LUZP1: variants seen among roughly 807,000 people sequenced by gnomAD.
The protein encoded by LUZP1 is leucine zipper protein 1, also known as filamin mechanobinding actin cross-linking protein.
LUZP1 carries 25 observed loss-of-function variants against 71.3 expected under a neutral mutation model. That is an observed-to-expected ratio of 0.35 (90% CI 0.26 to 0.49). The LOEUF (loss-of-function observed/expected upper bound fraction) is 0.49, where lower values mean the gene tolerates loss of function less well. LUZP1 is among the 20% of genes least tolerant of loss of function. The pLI, the probability that LUZP1 is intolerant of heterozygous loss-of-function variation, is 0.99. For synonymous variants in LUZP1, 481 were observed against 506.4 expected, an observed-to-expected ratio of 0.95 and a Z score of 0.67; for missense variants, 1,142 against 1,300.8, an observed-to-expected ratio of 0.88 and a Z score of 1.88.
In LUZP1 at chr1:23,094,797, G is replaced by A. The variant is rs962404697; in HGVS notation, c.-119-417C>T. 1.3e-5 allele frequency among the ~76,000 whole-genome samples: 2 copies of A among 152,118 alleles called. No homozygotes were observed. Among genetic ancestry groups the A allele is most frequent in the Non-Finnish European group, 2.9e-5 (2 of 68,036 alleles). On this transcript the variant is annotated intron_variant, in intron 3 of 4. Coordinates refer to ENST00000302291, the Ensembl canonical transcript of LUZP1. This position sits in a 1 kb window ranked among gnomAD's most constrained non-coding sequence, Gnocchi z 4.7. ...CCCCAGTGTTGTTCTGAGATAATATGTGGAAGATCTTGGTAACAAAGCAAT... is the reference window on the plus strand; with the variant it reads ...CCCCAGTGTTGTTCTGAGATAATATATGGAAGATCTTGGTAACAAAGCAAT...
At chr1:23,116,178 C>A (rs974888151) in intron 2 of LUZP1, among the ~76,000 whole-genome samples, 1 of 151,582 alleles carries the variant, frequency 6.6e-6, no homozygotes, top group African/African-American at 2.4e-5. Flanking sequence ...CTCAGGAGAT[C>A]GAGACCAGCC....
Position 23,131,248 on chromosome 1 carries a change from G to C in LUZP1, c.-225-22121C>G, listed in dbSNP as rs1474476534. Reference sequence around the variant, plus strand: ...AAAAAAAAAAAAAAAAAAAAAAAAAGATCTTTCTACTTGGAGCTTCCTCTG... The same window carrying C: ...AAAAAAAAAAAAAAAAAAAAAAAAACATCTTTCTACTTGGAGCTTCCTCTG... On this transcript the variant is annotated intron_variant, in intron 2 of 4. Coordinates refer to ENST00000302291, the Ensembl canonical transcript of LUZP1. 5.1e-5 allele frequency among the ~76,000 whole-genome samples: 4 copies of C among 78,334 alleles called. No individual in the cohort carries two copies. In the Admixed American group the frequency reaches 6.0e-4, roughly 12 times the overall value. The allele number at this position is 78,334 out of a possible 152,430, so 51.4% of individuals were successfully genotyped here. A position where few individuals can be genotyped will look rare whatever the true frequency, so the allele number is the denominator to read the frequency against.
chr1:23,156,877 C>A (rs978415775), intron 2 of LUZP1, among the ~76,000 whole-genome samples: 2 of 152,170 alleles, frequency 1.3e-5, no homozygotes, highest in Non-Finnish European at 2.9e-5. Flanking sequence ...CAATGCTGAC[C>A]ACTCACTTCC....
Position 23,138,851 on chromosome 1 carries a change from A to G in LUZP1, c.-225-29724T>C, listed in dbSNP as rs1240596856. ...CGTCTCTGCTAAAAATACAAAAATT[A>G]GCCAGGGATGGTGGCACGTGCCTAT... On this transcript the variant is annotated intron_variant, in intron 2 of 4. Transcript: ENST00000302291. 3.3e-5 allele frequency among the ~76,000 whole-genome samples: 5 copies of G among 150,292 alleles called. 1 individual carries two copies. Among genetic ancestry groups the G allele is most frequent in the African/African-American group, 2.4e-5 (1 of 40,842 alleles).
chr1:23,108,080 T>G (rs543436887), intron 3 of LUZP1, among the ~76,000 whole-genome samples: 1 of 152,320 alleles, frequency 6.6e-6, no homozygotes, highest in Admixed American at 6.5e-5. Context: ...CCACCAGGTC[T>G]CTTGGCCACT....
chr1:23,123,779 T>C (rs1644148979), intron 2 of LUZP1, among the ~76,000 whole-genome samples: 1 of 152,172 alleles, frequency 6.6e-6, no homozygotes, highest in South Asian at 2.1e-4. Context: ...AACATCTCTG[T>C]GCTTTGCAAC....
At position 23,094,022 on chromosome 1, in the gene LUZP1, C is replaced by T. The variant is rs1462520236; in HGVS notation, c.240G>A (p.Glu80=). The T allele has an allele frequency of 1.2e-6, 2 of 1,614,070 alleles. No individual in the cohort carries two copies. Among genetic ancestry groups the T allele is most frequent in the African/African-American group, 1.3e-5 (1 of 74,930 alleles). ...ACAGATCCTCTGCTCTCTTAATTTC[C>T]TCGTCTTTGCCTTCAATTCTCAGCA... The change falls in exon 4 of 5, where the codon GAG becomes GAA. Residue 80 remains glutamate (E), a synonymous_variant. Transcript: ENST00000302291. The surrounding 1 kb of genome is among the most constrained non-coding windows in gnomAD (Gnocchi z 4.7).
exon 5 of LUZP1, chr1:23,084,871 A>AAAT (rs575099327): frequency 2.6e-5 from 4 of 152,486 alleles, no homozygotes; most frequent in East Asian, 1.9e-4. Flanking sequence ...ACAATGAAAT[A>AAAT]AATAAATATA....
intron 3 of LUZP1, among the ~76,000 whole-genome samples, chr1:23,096,612 G>GA (rs990733333): frequency 6.6e-6 from 1 of 151,974 alleles, no homozygotes; most frequent in Admixed American, 6.5e-5. Context: ...AAAGAAAAAA[G>GA]AAAAAAAGAC....
exon 5 of LUZP1, chr1:23,085,445 G>A (rs1041605965): frequency 1.3e-5 from 2 of 152,484 alleles, no homozygotes; most frequent in Non-Finnish European, 2.9e-5. Context: ...CTCCCCACTC[G>A]GGGTATTCAA....
intron 2 of LUZP1, among the ~76,000 whole-genome samples, chr1:23,141,509 G>T (rs914192910): frequency 1.3e-5 from 2 of 152,116 alleles, no homozygotes; most frequent in Non-Finnish European, 2.9e-5. Flanking sequence ...CCTGGAGGGA[G>T]TGAGAGCACC....
intron 4 of LUZP1, among the ~76,000 whole-genome samples, chr1:23,090,209 C>G (rs1322857054): frequency 6.6e-6 from 1 of 152,162 alleles, no homozygotes; most frequent in Non-Finnish European, 1.5e-5. Flanking sequence ...TCCAGTAATT[C>G]TGCTGGGTGA....
chr1:23,103,491 C>G (rs533220659), intron 3 of LUZP1, among the ~76,000 whole-genome samples: 1 of 152,186 alleles, frequency 6.6e-6, no homozygotes, highest in African/African-American at 2.4e-5. Flanking sequence ...ACCTCCCACT[C>G]AATGCGGACG....
At chr1:23,171,240 T>C (rs1028485121) in intron 1 of LUZP1, among the ~76,000 whole-genome samples, 1 of 152,116 alleles carries the variant, frequency 6.6e-6, no homozygotes, top group Non-Finnish European at 1.5e-5. Context: ...TGGAAGACTT[T>C]AGGGTCTTGA....
chr1:23,127,207 TAA>T (rs1644178658), intron 2 of LUZP1, among the ~76,000 whole-genome samples: 1 of 152,226 alleles, frequency 6.6e-6, no homozygotes, highest in African/African-American at 2.4e-5. Flanking sequence ...AATAATTCTA[TAA>T]GAGTTATTAT....
rs1331916090 is a variant in LUZP1 at position 23,136,897 on chromosome 1, G to A, written c.-225-27770C>T. Among the ~76,000 whole-genome samples, 4 of 152,118 alleles carry A rather than the reference G, an allele frequency of 2.6e-5. No individual in the cohort carries two copies. In the East Asian group the frequency reaches 5.8e-4, roughly 22 times the overall value. On this transcript the variant is annotated intron_variant, in intron 2 of 4. Coordinates refer to ENST00000302291, the Ensembl canonical transcript of LUZP1. ...CGTGCCACTGCACTCCAGCCTGGGC[G>A]ACAGAGCAAGACTCCATCTCAAAAA... is the stretch of plus-strand genomic sequence containing the variant.
intron 2 of LUZP1, among the ~76,000 whole-genome samples, chr1:23,166,318 G>T (rs764471845): frequency 5.3e-5 from 8 of 152,060 alleles, no homozygotes; most frequent in Non-Finnish European, 1.2e-4. Context: ...GTGAACTTGG[G>T]ACAGCCACTT....
intron 1 of LUZP1, among the ~76,000 whole-genome samples, chr1:23,176,476 C>G (rs1452245406): frequency 6.6e-6 from 1 of 152,150 alleles, no homozygotes; most frequent in Non-Finnish European, 1.5e-5. Context: ...TTTTAAGAAT[C>G]TAGTGAAATC....
intron 2 of LUZP1, among the ~76,000 whole-genome samples, chr1:23,119,702 T>C (rs1320033583): frequency 6.6e-6 from 1 of 152,182 alleles, no homozygotes; most frequent in Non-Finnish European, 1.5e-5. Flanking sequence ...ATTTCATCTC[T>C]GAATCCAAGC....
Sources: gnomAD v4.1 joint callset for allele counts (sites outside exome capture counted in the v4.1 genomes callset) on GRCh38, gnomAD v4.1.1 for gene constraint, Gnocchi (gnomAD v3.1) non-coding constraint, MANE v1.5 for transcripts, NCBI Gene and HGNC (gene_info 2026-07-23, HGNC 2026-07-21) for gene names.